MOB3A: variants seen among roughly 807,000 people sequenced by gnomAD.
The protein encoded by MOB3A is MOB kinase activator 3A.
In MOB3A, 17 loss-of-function variants were observed where a neutral mutation model predicts 17.8. That is an observed-to-expected ratio of 0.95 (90% CI 0.65 to 1.43). The LOEUF is 1.43. MOB3A is among the 40% of genes most tolerant of loss of function. MOB3A has a pLI of 0.00. For synonymous variants in MOB3A, 124 were observed against 133.2 expected, an observed-to-expected ratio of 0.93 and a Z score of 0.48; for missense variants, 333 against 310.8, an observed-to-expected ratio of 1.07 and a Z score of -0.54.
intron 4 of MOB3A, among the ~76,000 whole-genome samples, chr19:2,074,778 C>T (rs141662549): frequency 1.4e-3 from 208 of 151,934 alleles, no homozygotes; most frequent in African/African-American, 4.5e-3. Flanking sequence ...AGTGCAATGG[C>T]GCGATCTCAG....
At chr19:2,074,086 G>A (rs373278656) in intron 4 of MOB3A, among the ~76,000 whole-genome samples, 2 of 151,976 alleles carry the variant, frequency 1.3e-5, no homozygotes, top group East Asian at 1.9e-4. Context: ...GAGGTCAGGA[G>A]ATCGAGACCA....
rs1052215638 is a variant in MOB3A, at chr19:2,078,466, T to C, written c.95A>G (p.His32Arg). The C allele has an allele frequency of 3.1e-6, 5 of 1,612,468 alleles. No homozygotes were observed. Among genetic ancestry groups the C allele is most frequent in the Non-Finnish European group, 4.2e-6 (5 of 1,178,876 alleles). The change falls in exon 3 of 5, where the codon CAC becomes CGC. Residue 32 changes from histidine (H) to arginine (R), a missense_variant. Coordinates refer to ENST00000357066, the MANE Select transcript of MOB3A (RefSeq NM_130807.3). ...FEPGTQRFEL[H>R]KKAQASLNAG... ...GTTCAGCGACGCCTGCGCCTTCTTGTGCAGCTCGAAGCGCTGGGTGCCTGG... is the reference window on the plus strand; with the variant it reads ...GTTCAGCGACGCCTGCGCCTTCTTGCGCAGCTCGAAGCGCTGGGTGCCTGG...
At position 2,078,456 on chromosome 19, in the gene MOB3A, C is replaced by A; in HGVS notation, c.105G>T (p.Ala35=). 2 of 1,613,234 alleles carry A rather than the reference C, an allele frequency of 1.2e-6. No individual in the cohort carries two copies. The highest frequency in any genetic ancestry group is 1.7e-6 in the Non-Finnish European group (2 of 1,179,406). ...CCAGCCCGGCGTTCAGCGACGCCTGCGCCTTCTTGTGCAGCTCGAAGCGCT... is the reference window on the plus strand; with the variant it reads ...CCAGCCCGGCGTTCAGCGACGCCTGAGCCTTCTTGTGCAGCTCGAAGCGCT... ...GTQRFELHKK[A]QASLNAGLDL... The change falls in exon 3 of 5, where the codon GCG becomes GCT. Residue 35 remains alanine (A), a synonymous_variant. Transcript: ENST00000357066.
chr19:2,077,437 C>G (rs151073912), intron 3 of MOB3A, among the ~76,000 whole-genome samples: 1 of 151,884 alleles, frequency 6.6e-6, no homozygotes, highest in African/African-American at 2.4e-5. Context: ...AAGAAAGGTA[C>G]GCTGTACTCT....
Position 2,073,218 on chromosome 19 carries a change from A to G in MOB3A, c.*177T>C. ...GGAGACTGAGGCTCGAGACTGAGGAAGGCATCTGCCGTCCGGGGTTGGAGC... is the reference window on the plus strand; with the variant it reads ...GGAGACTGAGGCTCGAGACTGAGGAGGGCATCTGCCGTCCGGGGTTGGAGC... On this transcript the variant is annotated 3_prime_UTR_variant, in exon 5 of 5. Coordinates refer to ENST00000357066, the MANE Select transcript of MOB3A (RefSeq NM_130807.3). 1.4e-6 allele frequency: 1 copy of G among 697,882 alleles called. No individual in the cohort carries two copies. Among genetic ancestry groups the G allele is most frequent in the Middle Eastern group, 4.1e-4 (1 of 2,430 alleles). 43.2% of individuals were successfully genotyped at this position (697,882 alleles called of 1,614,324 possible). A position where few individuals can be genotyped will look rare whatever the true frequency, so the allele number is the denominator to read the frequency against.
rs1568252539 is a variant in MOB3A at position 2,078,425 on chromosome 19, G to GC, written c.135dup (p.Arg46AlafsTer25). The GC allele has an allele frequency of 6.2e-7, 1 of 1,613,906 alleles. No individual in the cohort carries two copies. On this transcript the variant is annotated frameshift_variant, in exon 3 of 5. Coordinates refer to ENST00000357066, the MANE Select transcript of MOB3A (RefSeq NM_130807.3). LOFTEE classifies it high-confidence loss of function. ...CCCGGGGGCAACTGCACGGCCAGCCGCAGGTCCAGCCCGGCGTTCAGCGAC... is the reference window on the plus strand; with the variant it reads ...CCCGGGGGCAACTGCACGGCCAGCCGCCAGGTCCAGCCCGGCGTTCAGCGAC...
chr19:2,078,609 G>C lies in MOB3A; in HGVS notation c.-49C>G, dbSNP rs747416951. The C allele has an allele frequency of 2.4e-5, 37 of 1,514,952 alleles. No homozygotes were observed. The highest frequency in any genetic ancestry group is 3.0e-5 in the Non-Finnish European group (34 of 1,131,218). The allele number at this position is 1,514,952 out of a possible 1,614,324, so 93.8% of individuals were successfully genotyped here. On this transcript the variant is annotated 5_prime_UTR_variant, in exon 3 of 5. Coordinates refer to ENST00000357066, the MANE Select transcript of MOB3A (RefSeq NM_130807.3). ...ACTTCTGTAGAGGGGTCCTGGGCCA[G>C]CTGGCTGGGGGTGCTGACCAACCCG...
intron 1 of MOB3A, chr19:2,095,256 C>G (rs1568259547): frequency 6.6e-6 from 1 of 152,408 alleles, no homozygotes; most frequent in Admixed American, 6.5e-5. Flanking sequence ...GGATGAGCTG[C>G]GGCTTGGAGC....
intron 2 of MOB3A, among the ~76,000 whole-genome samples, chr19:2,084,383 A>G (rs1353129787): frequency 6.6e-6 from 1 of 151,422 alleles, no homozygotes; most frequent in East Asian, 2.0e-4. Flanking sequence ...AATCCCAGCT[A>G]CTCAGGAGGC....
At chr19:2,081,711 C>T (rs994347046) in intron 2 of MOB3A, among the ~76,000 whole-genome samples, 1 of 152,090 alleles carries the variant, frequency 6.6e-6, no homozygotes, top group African/African-American at 2.4e-5. Flanking sequence ...TGATGAAACC[C>T]TGTCTCTACT....
chr19:2,087,765 G>A (rs2017569526), intron 1 of MOB3A, among the ~76,000 whole-genome samples: 1 of 152,200 alleles, frequency 6.6e-6, no homozygotes, highest in Non-Finnish European at 1.5e-5. Context: ...AGAGACAAGA[G>A]ACCAAGTGTC....
chr19:2,081,864 A>T (rs951867684), intron 2 of MOB3A, among the ~76,000 whole-genome samples: 4 of 152,232 alleles, frequency 2.6e-5, no homozygotes, highest in Non-Finnish European at 4.4e-5. Context: ...AGCCTGGGTG[A>T]GAGAGCAAGA....
rs538346054 is a variant in MOB3A at position 2,093,847 on chromosome 19, C to T, written c.-274+2379G>A. On this transcript the variant is annotated intron_variant, in intron 1 of 4. Transcript: ENST00000357066. This position sits in a 1 kb window ranked among gnomAD's most constrained non-coding sequence, Gnocchi z 4.6. ...AAACACATCCAGGGGGTCCGGAGGA[C>T]AGGGACGTGACATGCTGGGATTTCA... Among the ~76,000 whole-genome samples the T allele has an allele frequency of 6.6e-6, 1 of 152,226 alleles. No individual in the cohort carries two copies. The highest frequency in any genetic ancestry group is 1.9e-4 in the East Asian group (1 of 5,190).
chr19:2,082,064 C>A lies in MOB3A; in HGVS notation c.-120+3111G>T, dbSNP rs542377041. On this transcript the variant is annotated intron_variant, in intron 2 of 4. Transcript: ENST00000357066. The surrounding 1 kb of genome is among the most constrained non-coding windows in gnomAD (Gnocchi z 4.1). ...CAGGAGGACTTGAGTCCCACCCACG[C>A]TGCAGTGACCAGAAAGGCCTGAACT... 6.6e-6 allele frequency among the ~76,000 whole-genome samples: 1 copy of A among 152,222 alleles called. No homozygotes were observed. Among genetic ancestry groups the A allele is most frequent in the African/African-American group, 2.4e-5 (1 of 41,458 alleles).
intron 1 of MOB3A, among the ~76,000 whole-genome samples, chr19:2,094,382 C>T (rs1379755022): frequency 6.6e-6 from 1 of 152,106 alleles, no homozygotes; most frequent in Non-Finnish European, 1.5e-5. Flanking sequence ...AGCAAACCAA[C>T]CAACCGAACA....
Position 2,076,804 on chromosome 19 carries a change from C to T in MOB3A, c.624+7G>A, listed in dbSNP as rs1210333768. 7.4e-6 allele frequency: 12 copies of T among 1,613,096 alleles called. No individual in the cohort carries two copies. Among genetic ancestry groups the T allele is most frequent in the Non-Finnish European group, 1.0e-5 (12 of 1,179,854 alleles). ...AACCGCACGCCCTCAGCCCCAAGCC[C>T]GCGCACCAGTGGCTCCAGCTCCTTG... On this transcript the variant is annotated splice_region_variant and intron_variant, in intron 4 of 4. Transcript: ENST00000357066.
chr19:2,074,634 C>T (rs1456178066), intron 4 of MOB3A, among the ~76,000 whole-genome samples: 2 of 151,780 alleles, frequency 1.3e-5, no homozygotes, highest in Non-Finnish European at 2.9e-5. Flanking sequence ...CTCACTGCAA[C>T]CTCCACCTCC....
chr19:2,081,958 A>G (rs922937415), intron 2 of MOB3A, among the ~76,000 whole-genome samples: 3 of 152,182 alleles, frequency 2.0e-5, no homozygotes, highest in African/African-American at 7.2e-5. Context: ...AAGAAGGTCC[A>G]GGGTCAATGG....
At position 2,085,239 on chromosome 19, in the gene MOB3A, G is replaced by C. The variant is rs62128370; in HGVS notation, c.-184C>G. 2 of 152,130 alleles carry C rather than the reference G, an allele frequency of 1.3e-5. No individual in the cohort carries two copies. Among genetic ancestry groups the C allele is most frequent in the Admixed American group, 1.3e-4 (2 of 15,256 alleles). The allele number at this position is 152,130 out of a possible 1,614,324, so 9.4% of individuals were successfully genotyped here. On this transcript the variant is annotated 5_prime_UTR_variant, in exon 2 of 5. Coordinates refer to ENST00000357066, the MANE Select transcript of MOB3A (RefSeq NM_130807.3). Reference sequence around the variant, plus strand: ...CTCCAGGAACAGTGGAGAAGACAAGGCAGGAATCAGCTCTCAGAATTCCAC... The same window carrying C: ...CTCCAGGAACAGTGGAGAAGACAAGCCAGGAATCAGCTCTCAGAATTCCAC...
Sources: allele counts gnomAD v4.1 joint callset (sites outside exome capture counted in the v4.1 genomes callset), GRCh38; gene constraint gnomAD v4.1.1; non-coding constraint Gnocchi (gnomAD v3.1); transcripts MANE v1.5; gene names NCBI Gene and HGNC (gene_info 2026-07-23, HGNC 2026-07-21).